Variants in ERI2 observed in about 807,000 individuals in gnomAD.
ERI2 encodes ERI1 exoribonuclease family member 2.
A neutral mutation model predicts 46.8 loss-of-function variants in ERI2; 35 were observed. The observed-to-expected ratio is 0.75, with a 90% CI of 0.57 to 0.99. The LOEUF (loss-of-function observed/expected upper bound fraction) is 0.99. ERI2 is among the 50% of genes least tolerant of loss of function. The pLI is 0.00. For missense variants in ERI2, 695 were observed against 796.2 expected (o/e 0.87, Z 1.53); for synonymous variants, 224 against 271.0 (o/e 0.83, Z 1.70).
chr16:20,805,421 A>C (rs1381445379), intron 1 of ERI2, among the ~76,000 whole-genome samples: 2 of 53,276 alleles, frequency 3.8e-5, no homozygotes, highest in Non-Finnish European at 1.7e-4. Flanking sequence ...CTCCGTCTCA[A>C]AAAAAAAAAA....
In ERI2 at chr16:20,797,679, GT is replaced by G; in HGVS notation, c.*44del. 7 of 1,475,864 alleles carry G rather than the reference GT, an allele frequency of 4.7e-6. No homozygotes were observed. Among genetic ancestry groups the G allele is most frequent in the African/African-American group, 1.4e-5 (1 of 70,208 alleles). The allele number at this position is 1,475,864 out of a possible 1,614,324, so 91.4% of individuals were successfully genotyped here. A position where few individuals can be genotyped will look rare whatever the true frequency, so the allele number is the denominator to read the frequency against. On this transcript the variant is annotated 3_prime_UTR_variant, in exon 9 of 9. Coordinates refer to ENST00000357967, the MANE Select transcript of ERI2 (RefSeq NM_001142725.2). ...TGTAAGATGTTATCAGAATACTCATGTTTGGAAATTCAAGGAACAATTAGGA... is the reference window on the plus strand; with the variant it reads ...TGTAAGATGTTATCAGAATACTCATGTTGGAAATTCAAGGAACAATTAGGA...
At chr16:20,800,424 A>T in intron 5 of ERI2, 22 bp from the exon 6 acceptor site, 4 of 1,463,618 alleles carry the variant, frequency 2.7e-6, no homozygotes, top group Non-Finnish European at 3.8e-6. Context: ...ACATTAAAAT[A>T]GAACAAAGTC....
rs772278961 is a variant in ERI2, at chr16:20,798,360, G to A, written c.1440C>T (p.His480=). 58 of 1,551,276 alleles carry A rather than the reference G, an allele frequency of 3.7e-5. No individual in the cohort carries two copies. The African/African-American group carries it at 6.6e-4, about 18-fold the overall frequency. The change falls in exon 9 of 9, where the codon CAC becomes CAT. Residue 480 remains histidine, a synonymous_variant. Transcript: ENST00000357967. ...CTTCTTTTACATTATAAATAGTAGT[G>A]TGAGGACTCTTGTACACAATAGACT... is the stretch of plus-strand genomic sequence containing the variant. ...TSKSIVYKSP[H]TTIYNVKEAK...
chr16:20,803,679 G>C lies in ERI2; in HGVS notation c.24-9C>G. 2.5e-6 allele frequency: 4 copies of C among 1,613,320 alleles called. No individual in the cohort carries two copies. The highest frequency in any genetic ancestry group is 1.1e-5 in the South Asian group (1 of 90,912). On this transcript the variant is annotated splice_polypyrimidine_tract_variant and intron_variant, in intron 1 of 8. Coordinates refer to ENST00000357967, the MANE Select transcript of ERI2 (RefSeq NM_001142725.2). ...TAATTAATCCAAGCTGCCTAAAAAT[G>C]TGAAGCAATCCAAATATGATCAATG...
At chr16:20,805,989 G>A (rs2080863711) in intron 1 of ERI2, 1 of 1,075,558 alleles carries the variant, frequency 9.3e-7, no homozygotes, top group East Asian at 6.3e-5. Context: ...TTAAATTTAA[G>A]TTTAAGTTCT....
chr16:20,789,469 GCTTA>G (rs1567361491), intron 10 of ERI2: 1 of 1,599,026 alleles, frequency 6.3e-7, no homozygotes, highest in African/African-American at 1.3e-5. Flanking sequence ...CAAGGCTGTG[GCTTA>G]CTTACCATTG....
rs145074363 is a variant in ERI2, at chr16:20,802,848, T to C, written c.251A>G (p.Gln84Arg). The change falls in exon 4 of 9, where the codon CAG becomes CGG. Residue 84 changes from glutamine to arginine, a missense_variant. Physicochemically the swap from Gln to Arg is conservative, Grantham distance 43 (BLOSUM62 1). Coordinates refer to ENST00000357967, the MANE Select transcript of ERI2 (RefSeq NM_001142725.2). ...DSEFQAYVQP[Q>R]EHPILSEFCM... The stretch of plus-strand genomic sequence containing the variant: ...AAATTCTGAAAGAATTGGATGTTCC[T>C]GAGGTTGAACATAAGCCTGGAACTC... 1.2e-4 allele frequency: 198 copies of C among 1,611,614 alleles called. No homozygotes were observed. The highest frequency in any genetic ancestry group is 1.2e-4 in the Non-Finnish European group (147 of 1,178,204).
In ERI2 at chr16:20,803,606, A is replaced by G; in HGVS notation, c.88T>C (p.Ser30Pro). The G allele has an allele frequency of 1.2e-6, 2 of 1,614,180 alleles. No homozygotes were observed. The highest frequency in any genetic ancestry group is 1.7e-6 in the Non-Finnish European group (2 of 1,180,018). The change falls in exon 2 of 9, where the codon TCC becomes CCC. Residue 30 changes from serine to proline, a missense_variant. By Grantham distance (74) the Ser-to-Pro change is moderately conservative. Transcript: ENST00000357967. ...AGAAACTAAGCATACTACTCACTGGATTTGCTTCTTCCGAGATTTCCATTT... is the reference window on the plus strand; with the variant it reads ...AGAAACTAAGCATACTACTCACTGGGTTTGCTTCTTCCGAGATTTCCATTT... Reference protein sequence around the residue: ...PANGNLGRSKSKQLFDYLIVI... With the variant: ...PANGNLGRSKPKQLFDYLIVI...
Position 20,797,312 on chromosome 16 carries a change from A to T in ERI2, c.*412T>A, listed in dbSNP as rs2080741303. The T allele has an allele frequency of 2.9e-6, 3 of 1,025,864 alleles. No individual in the cohort carries two copies. Among genetic ancestry groups the T allele is most frequent in the East Asian group, 1.9e-4 (2 of 10,716 alleles). 63.5% of individuals were successfully genotyped at this position (1,025,864 alleles called of 1,614,324 possible). A position where few individuals can be genotyped will look rare whatever the true frequency, so the allele number is the denominator to read the frequency against. On this transcript the variant is annotated 3_prime_UTR_variant, in exon 9 of 9. Coordinates refer to ENST00000357967, the MANE Select transcript of ERI2 (RefSeq NM_001142725.2). ...GTTGACTAATTCTTCTGATATGTTG[A>T]TATACAAATCAGAACCAATGTTCAA...
chr16:20,796,589 C>A lies in ERI2; in HGVS notation c.*1135G>T, dbSNP rs1434299977. ...GAATATTTTCTTCACACATGCTGCA[C>A]CACATGTCCCAAACTGAACTGATGA... is the stretch of plus-strand genomic sequence containing the variant. On this transcript the variant is annotated 3_prime_UTR_variant, in exon 9 of 9. Coordinates refer to ENST00000357967, the MANE Select transcript of ERI2 (RefSeq NM_001142725.2). 6 of 1,566,012 alleles carry A rather than the reference C, an allele frequency of 3.8e-6. No homozygotes were observed. Among genetic ancestry groups the A allele is most frequent in the Non-Finnish European group, 5.2e-6 (6 of 1,164,676 alleles).
chr16:20,806,251 C>T, intron 1 of ERI2, 157 bp downstream of exon 1: 11 of 1,417,246 alleles, frequency 7.8e-6, no homozygotes, highest in Non-Finnish European at 9.2e-6. Flanking sequence ...CAGGGAGGCG[C>T]CTTTCCAACC....
chr16:20,798,191 A>C lies in ERI2; in HGVS notation c.1609T>G (p.Cys537Gly). 6.4e-7 allele frequency: 1 copy of C among 1,551,676 alleles called. No individual in the cohort carries two copies. The change falls in exon 9 of 9, where the codon TGC becomes GGC. Residue 537 changes from cysteine to glycine, a missense_variant. Coordinates refer to ENST00000357967, the MANE Select transcript of ERI2 (RefSeq NM_001142725.2). ...LLSGGTKRNP[C>G]SPQAFPPAKK... ...GCTGGTGGGAAAGCTTGGGGACTGC[A>C]TGGATTCCTTTTGGTACCACCTGAA...
At chr16:20,791,577 C>G (rs189075254), downstream of ERI2, among the ~76,000 whole-genome samples, 1 of 152,306 alleles carries the variant, frequency 6.6e-6, no homozygotes, top group East Asian at 1.9e-4. Context: ...CTATCTCTTC[C>G]TAACTCTAAT....
intron 10 of ERI2, chr16:20,784,587 T>C (rs1264102796): frequency 1.2e-5 from 2 of 161,416 alleles, no homozygotes; most frequent in Non-Finnish European, 2.7e-5. Flanking sequence ...AAGGATGACA[T>C]GCAAATTTTT....
Position 20,798,634 on chromosome 16 carries a change from T to C in ERI2, c.1166A>G (p.His389Arg). The part of the protein sequence containing the change: ...LVSTTVPTVH[H>R]VSDLEMSSTL... ...AGAGCTCATTTCCAAATCAGAAACA[T>C]GATGAACAGTTGGAACGGTGGTAGA... Residue 389 changes from histidine to arginine, a missense_variant, in exon 9 of 9, where the codon CAT becomes CGT. Transcript: ENST00000357967. The C allele has an allele frequency of 1.9e-6, 3 of 1,551,566 alleles. No homozygotes were observed. The highest frequency in any genetic ancestry group is 2.6e-6 in the Non-Finnish European group (3 of 1,146,916).
At chr16:20,799,758 C>T in intron 7 of ERI2, 199 bp downstream of exon 7, 1 of 499,334 alleles carries the variant, frequency 2.0e-6, no homozygotes, top group Non-Finnish European at 3.6e-6. Flanking sequence ...TAGAAAGCCA[C>T]TAGATGGCAG....
At chr16:20,792,820 T>G, downstream of ERI2, 1 of 591,602 alleles carries the variant, frequency 1.7e-6, no homozygotes, top group Non-Finnish European at 2.1e-6. Context: ...TTTCAGGAAA[T>G]AAACTCTGAA....
downstream of ERI2, among the ~76,000 whole-genome samples, chr16:20,794,591 G>T (rs886760465): frequency 6.6e-6 from 1 of 152,154 alleles, no homozygotes; most frequent in Non-Finnish European, 1.5e-5. Flanking sequence ...ATTTTGCATA[G>T]AATTTCATAG....
chr16:20,804,800 GT>G (rs1184617891), intron 1 of ERI2, among the ~76,000 whole-genome samples: 1 of 152,224 alleles, frequency 6.6e-6, no homozygotes, highest in Non-Finnish European at 1.5e-5. Context: ...AGTTTTCTGT[GT>G]TTGCTAAGAG....
Sources: allele counts gnomAD v4.1 joint callset (sites outside exome capture counted in the v4.1 genomes callset), GRCh38; gene constraint gnomAD v4.1.1; transcripts MANE v1.5; gene names NCBI Gene and HGNC (gene_info 2026-07-23, HGNC 2026-07-21).